The following SH3D19 variants were observed in gnomAD, a reference collection of about 807,000 sequenced individuals.
SH3D19 encodes the protein SH3 domain containing 19, also known as SH3 domain-containing protein 19.
SH3D19 carries 58 observed loss-of-function variants against 112.1 expected under a neutral mutation model. That is an observed-to-expected ratio of 0.52 (90% CI 0.42 to 0.64). The LOEUF (loss-of-function observed/expected upper bound fraction) is 0.64. Ranked by LOEUF, SH3D19 falls within the 30% of genes least tolerant of loss-of-function variation. The probability of loss-of-function intolerance (pLI) is 0.00; values close to 1 mark genes in which losing one functional copy is unlikely to be tolerated. For synonymous variants in SH3D19, 391 were observed against 448.5 expected, an observed-to-expected ratio of 0.87 and a Z score of 1.62; for missense variants, 1,090 against 1,263.4, an observed-to-expected ratio of 0.86 and a Z score of 2.08.
intron 1 of SH3D19, chr4:151,291,504 A>G: frequency 7.6e-7 from 1 of 1,315,930 alleles, no homozygotes; most frequent in Non-Finnish European, 1.0e-6. Flanking sequence ...ACAATTTGAA[A>G]TGATTTTGTT....
intron 1 of SH3D19, among the ~76,000 whole-genome samples, chr4:151,264,385 G>A (rs62328353): frequency 0.35 from 48,036 of 138,590 alleles, 9,157 homozygotes; most frequent in Non-Finnish European, 0.45. Flanking sequence ...CCAACATCCC[G>A]TCACTGCTCT....
At chr4:151,289,318 T>G (rs961660674) in intron 1 of SH3D19, among the ~76,000 whole-genome samples, 3 of 152,186 alleles carry the variant, frequency 2.0e-5, no homozygotes, top group Non-Finnish European at 4.4e-5. Flanking sequence ...TGACCTTGAT[T>G]AGGCAACATT....
intron 1 of SH3D19, among the ~76,000 whole-genome samples, chr4:151,304,650 G>A (rs1728764864): frequency 6.6e-6 from 1 of 152,092 alleles, no homozygotes; most frequent in Non-Finnish European, 1.5e-5. Context: ...TAACAGTTGG[G>A]GCAAACAATA....
intron 1 of SH3D19, among the ~76,000 whole-genome samples, chr4:151,232,510 T>G (rs1769692787): frequency 6.6e-6 from 1 of 152,202 alleles, no homozygotes; most frequent in Non-Finnish European, 1.5e-5. Flanking sequence ...GGCCAGCTAT[T>G]AACTAGTTGT....
Position 151,127,706 on chromosome 4 carries a change from T to C in SH3D19, c.2939A>G (p.Lys980Arg), listed in dbSNP as rs756738407. 11 of 1,593,794 alleles carry C rather than the reference T, an allele frequency of 6.9e-6. No individual in the cohort carries two copies. Among genetic ancestry groups the C allele is most frequent in the African/African-American group, 1.4e-5 (1 of 73,568 alleles). The change falls in exon 19 of 20, where the codon AAA becomes AGA. Residue 980 changes from lysine (K) to arginine (R), a missense_variant. By Grantham distance (26) the Lys-to-Arg change is conservative. Transcript: ENST00000604030. The stretch of plus-strand genomic sequence containing the variant: ...CTTCGGTACTATGGCCAACATACTT[T>C]TTGCCTCAGCTGTGAAGACATAAAA... ...VFVRPCPAEA[K>R]SMLAIVPKGR... is the part of the protein sequence containing the mutation.
At chr4:151,313,733 C>T (rs12640234) in intron 1 of SH3D19, among the ~76,000 whole-genome samples, 71 of 152,082 alleles carry the variant, frequency 4.7e-4, no homozygotes, top group Non-Finnish European at 8.2e-4. Flanking sequence ...TGAGAGTAAC[C>T]AATCTACCTT....
chr4:151,238,135 C>T lies in SH3D19; in HGVS notation c.113-12049G>A, dbSNP rs993759752. ...CCCTTCCATTCTCCCTAATGTCTTC[C>T]CTCATTCCTAGTTCATCATGTGGGT... On this transcript the variant is annotated intron_variant, in intron 1 of 19. Coordinates refer to ENST00000604030, the MANE Select transcript of SH3D19 (RefSeq NM_001378122.1). Among the ~76,000 whole-genome samples, 9 of 152,178 alleles carry T rather than the reference C, an allele frequency of 5.9e-5. No homozygotes were observed. In the East Asian group the frequency reaches 1.5e-3, roughly 26 times the overall value.
intron 2 of SH3D19, among the ~76,000 whole-genome samples, chr4:151,223,517 C>G (rs1436746535): frequency 6.6e-6 from 1 of 152,120 alleles, no homozygotes; most frequent in Non-Finnish European, 1.5e-5. Flanking sequence ...TTTCCCTTAG[C>G]CCAGACCCAG....
intron 1 of SH3D19, among the ~76,000 whole-genome samples, chr4:151,251,626 C>T (rs142876659): frequency 0.01 from 1,570 of 152,262 alleles, 20 homozygotes; most frequent in Middle Eastern, 0.014. Context: ...TGCTTACTTT[C>T]CTCCTTTCCA....
At chr4:151,290,422 A>T (rs1775207311) in intron 1 of SH3D19, among the ~76,000 whole-genome samples, 1 of 152,166 alleles carries the variant, frequency 6.6e-6, no homozygotes, top group Non-Finnish European at 1.5e-5. Context: ...TGCTAACTGA[A>T]ACATGCCAGA....
At chr4:151,251,190 TTTTTTTCC>T (rs1285157801) in intron 1 of SH3D19, among the ~76,000 whole-genome samples, 1 of 72,182 alleles carries the variant, frequency 1.4e-5, no homozygotes, top group Non-Finnish European at 4.6e-5. Flanking sequence ...TTTCTTTTTC[TTTTTTTCC>T]TTTTTTTTTT....
At chr4:151,243,677 GA>G (rs1275852902) in intron 1 of SH3D19, among the ~76,000 whole-genome samples, 1 of 152,214 alleles carries the variant, frequency 6.6e-6, no homozygotes, top group Non-Finnish European at 1.5e-5. Context: ...AACAGACCAT[GA>G]GACACTAGAT....
intron 2 of SH3D19, among the ~76,000 whole-genome samples, chr4:151,211,998 T>C (rs1303554964): frequency 6.6e-6 from 1 of 152,064 alleles, no homozygotes; most frequent in African/African-American, 2.4e-5. Flanking sequence ...GTAGATGAAG[T>C]AGTATTATAT....
intron 2 of SH3D19, among the ~76,000 whole-genome samples, chr4:151,195,071 T>TAAA (rs35607961): frequency 4.1e-5 from 5 of 123,354 alleles, no homozygotes; most frequent in South Asian, 5.5e-4. Context: ...AAGACCATCT[T>TAAA]AAAAAAAAAA....
rs1759618585 is a variant in SH3D19 at position 151,174,610 on chromosome 4, G to A, written c.1534+60C>T. 2.8e-6 allele frequency: 4 copies of A among 1,442,342 alleles called. No homozygotes were observed. The Admixed American group carries it at 1.0e-4, about 36-fold the overall frequency. The allele number at this position is 1,442,342 out of a possible 1,614,324, so 89.3% of individuals were successfully genotyped here. On this transcript the variant is annotated intron_variant, in intron 7 of 19. Transcript: ENST00000604030. Reference sequence around the variant, plus strand: ...TGTACCAGAAACTAAAACAGCAAGTGCCATTTAAAATACCCTATCATGAGT... The same window carrying A: ...TGTACCAGAAACTAAAACAGCAAGTACCATTTAAAATACCCTATCATGAGT...
At chr4:151,315,961 T>C (rs1454961445) in intron 1 of SH3D19, among the ~76,000 whole-genome samples, 1 of 152,154 alleles carries the variant, frequency 6.6e-6, no homozygotes, top group African/African-American at 2.4e-5. Flanking sequence ...CTTAACTTTT[T>C]AAAAAAATTT....
chr4:151,263,204 T>A (rs549862647), intron 1 of SH3D19, among the ~76,000 whole-genome samples: 2 of 152,168 alleles, frequency 1.3e-5, no homozygotes, highest in African/African-American at 4.8e-5. Flanking sequence ...ATTCTTTTGA[T>A]GAAATTGAAG....
intron 8 of SH3D19, among the ~76,000 whole-genome samples, chr4:151,161,833 C>T (rs922929223): frequency 2.0e-5 from 3 of 147,310 alleles, no homozygotes; most frequent in Admixed American, 6.9e-5. Flanking sequence ...GGCATGATCT[C>T]GGCTCACTGC....
chr4:151,142,054 G>A (rs1009344325), intron 12 of SH3D19, among the ~76,000 whole-genome samples: 3 of 152,180 alleles, frequency 2.0e-5, no homozygotes, highest in African/African-American at 7.2e-5. Flanking sequence ...CACTGGGGTA[G>A]GTATCTGGTA....
Sources: allele counts gnomAD v4.1 joint callset (sites outside exome capture counted in the v4.1 genomes callset), GRCh38; gene constraint gnomAD v4.1.1; transcripts MANE v1.5; gene names NCBI Gene and HGNC (gene_info 2026-07-23, HGNC 2026-07-21).